The following TBX5 variants were observed in gnomAD, a reference collection of about 807,000 sequenced individuals.
TBX5 encodes the protein T-box transcription factor 5, also known as T-box transcription factor TBX5.
TBX5 carries 8 observed loss-of-function variants against 51.1 expected under a neutral mutation model. The ratio of observed to expected loss-of-function variants is 0.16; its 90% CI spans 0.09 to 0.28. TBX5 has a LOEUF of 0.28. Ranked by LOEUF, TBX5 falls within the 10% of genes least tolerant of loss-of-function variation. The pLI is 1.00. For synonymous variants in TBX5, 302 were observed against 266.4 expected (o/e 1.13, Z -1.30); for missense variants, 589 against 671.7 (o/e 0.88, Z 1.36).
intron 8 of TBX5, among the ~76,000 whole-genome samples, chr12:114,361,701 G>T (rs1340395629): frequency 6.6e-6 from 1 of 152,144 alleles, no homozygotes; most frequent in Non-Finnish European, 1.5e-5. Context: ...GGCAGGCAGG[G>T]GCCAGGGGGA....
At chr12:114,391,688 T>C (rs1871151189) in intron 6 of TBX5, among the ~76,000 whole-genome samples, 1 of 152,162 alleles carries the variant, frequency 6.6e-6, no homozygotes, top group Non-Finnish European at 1.5e-5. Context: ...GATGGTGAGC[T>C]CAGCTGGCTT....
Position 114,372,979 on chromosome 12 carries a change from CAT to C in TBX5, c.756-6590_756-6589del, listed in dbSNP as rs1334409349. Among the ~76,000 whole-genome samples, 2,120 of 94,840 alleles carry C rather than the reference CAT, an allele frequency of 0.022. 207 individuals carry two copies. In the East Asian group the frequency reaches 0.43, roughly 19 times the overall value. 62.2% of individuals were successfully genotyped at this position (94,840 alleles called of 152,430 possible). On this transcript the variant is annotated intron_variant, in intron 7 of 8. Coordinates refer to ENST00000405440, the MANE Select transcript of TBX5 (RefSeq NM_181486.4). ...TGGAAAGGCTTAGCGAATATATATA[CAT>C]ACACACACACACACACACACACACA...
In TBX5 at chr12:114,355,411, T is replaced by G; in HGVS notation, c.*121A>C. On this transcript the variant is annotated 3_prime_UTR_variant, in exon 9 of 9. Transcript: ENST00000405440. ...GCGACCTTGAGTGCAGATGTGAACA[T>G]TGGGTGAAATGAAAAATCTTGTCCG... 1.0e-5 allele frequency: 13 copies of G among 1,259,098 alleles called. No individual in the cohort carries two copies. Among genetic ancestry groups the G allele is most frequent in the Non-Finnish European group, 1.4e-5 (12 of 887,866 alleles). The allele number at this position is 1,259,098 out of a possible 1,614,324, so 78.0% of individuals were successfully genotyped here. A position where few individuals can be genotyped will look rare whatever the true frequency, so the allele number is the denominator to read the frequency against.
chr12:114,400,531 G>C (rs1202795269), intron 3 of TBX5, among the ~76,000 whole-genome samples: 2 of 152,246 alleles, frequency 1.3e-5, no homozygotes, highest in African/African-American at 4.8e-5. Flanking sequence ...CAAGTTGGCA[G>C]ATCTCGGCTC....
At chr12:114,369,479 C>G (rs556962535) in intron 7 of TBX5, among the ~76,000 whole-genome samples, 4 of 152,362 alleles carry the variant, frequency 2.6e-5, no homozygotes, top group African/African-American at 9.6e-5. Context: ...CCAAACCCCT[C>G]TGACAAGTGT....
intron 7 of TBX5, among the ~76,000 whole-genome samples, chr12:114,384,714 AACACACAC>A (rs1555225276): frequency 1.4e-5 from 2 of 143,840 alleles, no homozygotes; most frequent in African/African-American, 5.2e-5. Context: ...AAAAAAAGAA[AACACACAC>A]ACACACACAC....
At chr12:114,394,169 G>T (rs1000836118) in intron 6 of TBX5, among the ~76,000 whole-genome samples, 1 of 152,190 alleles carries the variant, frequency 6.6e-6, no homozygotes, top group Admixed American at 6.5e-5. Flanking sequence ...AAAATTGGCT[G>T]AGCATAATGA....
chr12:114,394,900 AT>A lies in TBX5; in HGVS notation c.511-8del. The A allele has an allele frequency of 6.2e-7, 1 of 1,612,862 alleles. No homozygotes were observed. Among genetic ancestry groups the A allele is most frequent in the Non-Finnish European group, 8.5e-7 (1 of 1,179,112 alleles). The stretch of plus-strand genomic sequence containing the variant: ...GCATGGAATTTAGAATAATCTAAAA[AT>A]AATAAAGAAAATGAGATTGTAAGAA... On this transcript the variant is annotated splice_region_variant and splice_polypyrimidine_tract_variant and intron_variant, in intron 5 of 8. Coordinates refer to ENST00000405440, the MANE Select transcript of TBX5 (RefSeq NM_181486.4).
chr12:114,385,710 G>T (rs1745673749), intron 6 of TBX5, 143 bp from the exon 7 acceptor site: 1 of 720,462 alleles, frequency 1.4e-6, no homozygotes, highest in Non-Finnish European at 2.5e-6. Context: ...ACGTCAACGG[G>T]ACCCACCACT....
chr12:114,370,595 T>C (rs1029953277), intron 7 of TBX5, among the ~76,000 whole-genome samples: 4 of 151,880 alleles, frequency 2.6e-5, no homozygotes. Flanking sequence ...CTCAGTGTCC[T>C]CACATGCCAG....
rs183596726 is a variant in TBX5 at position 114,385,702 on chromosome 12, G to A, written c.664-135C>T. On this transcript the variant is annotated intron_variant, in intron 6 of 8. Coordinates refer to ENST00000405440, the MANE Select transcript of TBX5 (RefSeq NM_181486.4). ...AAAAGAAGCAAATTAAGCCAGTCAC[G>A]TCAACGGGACCCACCACTTCATTCA... 3.2e-4 allele frequency: 238 copies of A among 742,192 alleles called. 1 individual carries two copies. Among genetic ancestry groups the A allele is most frequent in the South Asian group, 5.6e-4 (38 of 67,852 alleles). 46.0% of individuals were successfully genotyped at this position (742,192 alleles called of 1,614,324 possible).
chr12:114,365,929 A>C (rs1869504239), intron 8 of TBX5, among the ~76,000 whole-genome samples: 1 of 152,164 alleles, frequency 6.6e-6, no homozygotes, highest in Non-Finnish European at 1.5e-5. Context: ...ATAGGTCTGA[A>C]CATTTCAAAT....
chr12:114,391,499 C>T (rs1248385928), intron 6 of TBX5, among the ~76,000 whole-genome samples: 1 of 152,178 alleles, frequency 6.6e-6, no homozygotes, highest in Non-Finnish European at 1.5e-5. Flanking sequence ...TCTGCCAGGT[C>T]CCACATGACA....
At chr12:114,377,706 A>T (rs1870273675) in intron 7 of TBX5, among the ~76,000 whole-genome samples, 1 of 151,866 alleles carries the variant, frequency 6.6e-6, no homozygotes. Context: ...CACATGAGCC[A>T]CCACACCTAG....
chr12:114,358,003 T>C (rs1565924559), intron 8 of TBX5, among the ~76,000 whole-genome samples: 2 of 152,200 alleles, frequency 1.3e-5, no homozygotes, highest in Non-Finnish European at 2.9e-5. Context: ...TCACAGTAAT[T>C]CCTCAAGGTG....
At chr12:114,388,504 G>T (rs1593869341) in intron 6 of TBX5, among the ~76,000 whole-genome samples, 1 of 151,980 alleles carries the variant, frequency 6.6e-6, no homozygotes, top group Non-Finnish European at 1.5e-5. Flanking sequence ...TTGAGACAGG[G>T]TCTCACTCTG....
At chr12:114,398,534 G>C in intron 5 of TBX5, 39 bp downstream of exon 5, 2 of 1,604,048 alleles carry the variant, frequency 1.2e-6, no homozygotes, top group Non-Finnish European at 1.7e-6. Context: ...GAGAGGACAA[G>C]AGGGAGACAA....
upstream of TBX5, chr12:114,408,303 C>A: frequency 1.3e-6 from 1 of 783,390 alleles, no homozygotes; most frequent in Non-Finnish European, 1.5e-6. Context: ...ACATAAGACA[C>A]AAATAGAGCC....
At chr12:114,379,672 C>T (rs543752081) in intron 7 of TBX5, among the ~76,000 whole-genome samples, 5 of 152,290 alleles carry the variant, frequency 3.3e-5, no homozygotes, top group South Asian at 4.1e-4. Context: ...ACTCCTCGGT[C>T]GAGTAGAAAA....
Sources: allele counts gnomAD v4.1 joint callset (sites outside exome capture counted in the v4.1 genomes callset), GRCh38; gene constraint gnomAD v4.1.1; transcripts MANE v1.5; gene names NCBI Gene and HGNC (gene_info 2026-07-23, HGNC 2026-07-21).